The following UPP1 variants were observed in gnomAD, a reference collection of about 807,000 sequenced individuals.
UPP1 encodes the protein UPase 1.
UPP1 carries 25 observed loss-of-function variants against 29.6 expected under a neutral mutation model. The ratio of observed to expected loss-of-function variants is 0.85; its 90% confidence interval spans 0.62 to 1.18. UPP1 has a LOEUF of 1.18. Ranked by LOEUF, UPP1 falls within the 50% of genes most tolerant of loss-of-function variation. The pLI is 0.00. For synonymous variants in UPP1, 165 were observed against 159.8 expected (o/e 1.03, Z -0.25); for missense variants, 368 against 410.4 (o/e 0.90, Z 0.89).
At chr7:48,101,000 G>A (rs1239271230) in intron 4 of UPP1, among the ~76,000 whole-genome samples, 9 of 151,880 alleles carry the variant, frequency 5.9e-5, no homozygotes, top group Admixed American at 3.9e-4. Flanking sequence ...TCCCTGTCCT[G>A]GGTTCAAGCG....
At chr7:48,103,556 A>C in intron 6 of UPP1, 145 bp downstream of exon 6, 2 of 900,458 alleles carry the variant, frequency 2.2e-6, no homozygotes, top group Non-Finnish European at 3.4e-6. Flanking sequence ...GGAGGTGTGA[A>C]AAGAAGCTTG....
intron 2 of UPP1, among the ~76,000 whole-genome samples, chr7:48,092,453 G>A (rs1183665366): frequency 6.6e-6 from 1 of 152,058 alleles, no homozygotes; most frequent in East Asian, 1.9e-4. Flanking sequence ...GGGAGAGGTA[G>A]CTCTGCCTAT....
intron 6 of UPP1, 149 bp from the exon 7 acceptor site, chr7:48,106,724 T>G: frequency 1.5e-6 from 1 of 688,734 alleles, no homozygotes; most frequent in Non-Finnish European, 2.4e-6. Flanking sequence ...ACTGTGTATT[T>G]GAGAACAGTA....
intron 4 of UPP1, among the ~76,000 whole-genome samples, chr7:48,100,178 C>T (rs1792347332): frequency 6.6e-6 from 1 of 152,192 alleles, no homozygotes; most frequent in Non-Finnish European, 1.5e-5. Context: ...ACCTCTATAG[C>T]ATGTGAGTGT....
Position 48,106,970 on chromosome 7 carries a change from G to C in UPP1, c.534G>C (p.Arg178=). 6.2e-7 allele frequency: 1 copy of C among 1,613,378 alleles called. No individual in the cohort carries two copies. The highest frequency in any genetic ancestry group is 1.1e-5 in the South Asian group (1 of 91,040). ...TTGTCCTGGGGAAGCGGGTCATCCG[G>C]AAAACGGACCTTAACAAGAAGCTGG... ...EQIVLGKRVI[R]KTDLNKKLVQ... The change falls in exon 7 of 9, where the codon CGG becomes CGC. Residue 178 remains arginine, a synonymous_variant. Transcript: ENST00000395564.
intron 4 of UPP1, among the ~76,000 whole-genome samples, chr7:48,100,668 G>A (rs1792371285): frequency 6.6e-6 from 1 of 152,118 alleles, no homozygotes. Context: ...AAATATACCA[G>A]GACGCTAGAA....
intron 2 of UPP1, among the ~76,000 whole-genome samples, chr7:48,094,021 A>G (rs1489264130): frequency 2.0e-5 from 3 of 152,014 alleles, no homozygotes; most frequent in Non-Finnish European, 4.4e-5. Context: ...TTAGCTGAAC[A>G]TGGTGGCGTG....
At chr7:48,089,000 C>G (rs943743835), upstream of UPP1, 3 of 152,324 alleles carry the variant, frequency 2.0e-5, no homozygotes, top group African/African-American at 7.2e-5. Context: ...AATTGCCCAG[C>G]TGCTCTGCAG....
At chr7:48,095,122 A>C (rs11768083) in intron 3 of UPP1, among the ~76,000 whole-genome samples, 96,482 of 152,010 alleles carry the variant, frequency 0.63, 31,431 homozygotes, top group African/African-American at 0.79. Context: ...CTATGTGCCA[A>C]TTTCTTAAAC....
intron 6 of UPP1, 163 bp from the exon 7 acceptor site, chr7:48,106,710 G>T: frequency 3.2e-6 from 2 of 629,928 alleles, no homozygotes; most frequent in Non-Finnish European, 2.7e-6. Flanking sequence ...GGGAAAAATG[G>T]GTCACTGTGT....
At chr7:48,104,977 C>T (rs1792649467) in intron 6 of UPP1, 1 of 152,228 alleles carries the variant, frequency 6.6e-6, no homozygotes, top group South Asian at 2.1e-4. Context: ...CCAAAAACCA[C>T]TGGACACAGT....
intron 4 of UPP1, among the ~76,000 whole-genome samples, chr7:48,100,891 C>A (rs1320376463): frequency 6.6e-6 from 1 of 151,660 alleles, no homozygotes; most frequent in East Asian, 1.9e-4. Flanking sequence ...ATTAATAATT[C>A]TTTTCTTTTA....
rs1299913208 is a variant in UPP1 at position 48,103,389 on chromosome 7, C to T, written c.414C>T (p.Arg138=). ...YARCSNVTII[R]IGTSGGIGLE... ...GGTGCTCCAACGTCACTATCATCCG[C>T]ATTGGCACTTCTGGTGGGATAGGTA... Residue 138 remains arginine, a synonymous_variant, in exon 6 of 9, where the codon CGC becomes CGT. Transcript: ENST00000395564. 6.2e-7 allele frequency: 1 copy of T among 1,613,934 alleles called. No homozygotes were observed. Among genetic ancestry groups the T allele is most frequent in the Admixed American group, 1.7e-5 (1 of 60,024 alleles).
At chr7:48,095,170 T>C (rs961448929) in intron 3 of UPP1, among the ~76,000 whole-genome samples, 4 of 152,242 alleles carry the variant, frequency 2.6e-5, no homozygotes, top group Admixed American at 2.0e-4. Flanking sequence ...GCCTTGGTTC[T>C]GAATTTTAAA....
intron 7 of UPP1, 57 bp downstream of exon 7, chr7:48,107,139 T>C: frequency 6.3e-7 from 1 of 1,584,240 alleles, no homozygotes; most frequent in Non-Finnish European, 8.6e-7. Flanking sequence ...GTCCGTCCCC[T>C]GAGCCTGCCT....
In UPP1 at chr7:48,093,426, G is replaced by A. The variant is rs556077175; in HGVS notation, c.-21-1337G>A. Among the ~76,000 whole-genome samples the A allele has an allele frequency of 4.6e-4, 70 of 152,334 alleles. 1 individual carries two copies. The highest frequency in any genetic ancestry group is 1.6e-3 in the African/African-American group (67 of 41,578). On this transcript the variant is annotated intron_variant, in intron 2 of 8. Transcript: ENST00000395564. The stretch of plus-strand genomic sequence containing the variant: ...CAGACTCCTACTGATGTCTTTATGA[G>A]CCTTGGATCATCCTGTAGACCCAGT...
chr7:48,102,722 C>G (rs1200015955), intron 5 of UPP1, among the ~76,000 whole-genome samples: 1 of 152,036 alleles, frequency 6.6e-6, no homozygotes, highest in Non-Finnish European at 1.5e-5. Flanking sequence ...CTGAGTTCAT[C>G]CGGGGAGAGG....
At chr7:48,099,567 C>T (rs927321807) in intron 3 of UPP1, 103 bp from the exon 4 acceptor site, 10 of 792,794 alleles carry the variant, frequency 1.3e-5, no homozygotes, top group Non-Finnish European at 1.9e-5. Flanking sequence ...CCCTGTCTTT[C>T]TCCCACCATG....
chr7:48,099,627 C>G (rs1337321132), intron 3 of UPP1, 43 bp from the exon 4 acceptor site: 2 of 1,361,090 alleles, frequency 1.5e-6, no homozygotes, highest in Non-Finnish European at 2.1e-6. Context: ...GGCTGTCGGG[C>G]ACTGATGTTC....
Sources: allele counts gnomAD v4.1 joint callset (sites outside exome capture counted in the v4.1 genomes callset), GRCh38; gene constraint gnomAD v4.1.1; transcripts MANE v1.5; gene names NCBI Gene and HGNC (gene_info 2026-07-23, HGNC 2026-07-21).